LRCH1: variants seen among roughly 807,000 people sequenced by gnomAD.
The protein encoded by LRCH1 is leucine rich repeats and calponin homology domain containing 1.
LRCH1 carries 23 observed loss-of-function variants against 94.9 expected under a neutral mutation model. The ratio of observed to expected loss-of-function variants is 0.24; its 90% confidence interval spans 0.17 to 0.34. The LOEUF (loss-of-function observed/expected upper bound fraction) is 0.34. LRCH1 is among the 10% of genes least tolerant of loss of function. The probability of loss-of-function intolerance (pLI) is 1.00; values close to 1 mark genes in which losing one functional copy is unlikely to be tolerated. For synonymous variants in LRCH1, 364 were observed against 354.9 expected, an observed-to-expected ratio of 1.03 and a Z score of -0.29; for missense variants, 790 against 945.9, an observed-to-expected ratio of 0.84 and a Z score of 2.16.
intron 17 of LRCH1, among the ~76,000 whole-genome samples, chr13:46,724,270 A>T (rs941760877): frequency 6.6e-6 from 1 of 152,232 alleles, no homozygotes; most frequent in Non-Finnish European, 1.5e-5. Context: ...GTGCAATGGT[A>T]TGATCATAGC....
At chr13:46,606,362 C>T (rs1226765192) in intron 1 of LRCH1, among the ~76,000 whole-genome samples, 1 of 152,140 alleles carries the variant, frequency 6.6e-6, no homozygotes, top group Admixed American at 6.5e-5. Flanking sequence ...GTTACATTAA[C>T]ACTCCCACAT....
At chr13:46,581,640 T>A (rs2050366446) in intron 1 of LRCH1, among the ~76,000 whole-genome samples, 1 of 152,210 alleles carries the variant, frequency 6.6e-6, no homozygotes, top group African/African-American at 2.4e-5. Flanking sequence ...AATTTTTCTG[T>A]TGAGAAATGG....
At chr13:46,745,889 C>T (rs1424164270), downstream of LRCH1, among the ~76,000 whole-genome samples, 1 of 152,092 alleles carries the variant, frequency 6.6e-6, no homozygotes, top group Non-Finnish European at 1.5e-5. Context: ...ATCCTGTTCC[C>T]AGCAGGTGTT....
At chr13:46,561,891 T>A (rs1274545703) in intron 1 of LRCH1, among the ~76,000 whole-genome samples, 2 of 152,220 alleles carry the variant, frequency 1.3e-5, no homozygotes, top group African/African-American at 2.4e-5. Context: ...GAATCATACA[T>A]GACCTTAAGC....
intron 3 of LRCH1, among the ~76,000 whole-genome samples, chr13:46,675,045 T>C (rs974070037): frequency 1.3e-5 from 2 of 152,236 alleles, no homozygotes; most frequent in Admixed American, 6.5e-5. Context: ...TAATGTTTTG[T>C]TACTGTGGAA....
At chr13:46,668,432 TA>T (rs1303703643) in intron 2 of LRCH1, among the ~76,000 whole-genome samples, 3 of 152,320 alleles carry the variant, frequency 2.0e-5, no homozygotes, top group East Asian at 3.9e-4. Flanking sequence ...CTCTTGCAGA[TA>T]CCAAAACAGA....
intron 1 of LRCH1, among the ~76,000 whole-genome samples, chr13:46,619,353 C>T (rs1431240453): frequency 2.0e-5 from 3 of 152,132 alleles, no homozygotes; most frequent in African/African-American, 4.8e-5. Flanking sequence ...TCAAGTGATC[C>T]GCCTGCTTGG....
At chr13:46,749,584 G>A (rs1376424897), downstream of LRCH1, among the ~76,000 whole-genome samples, 1 of 150,700 alleles carries the variant, frequency 6.6e-6, no homozygotes, top group Non-Finnish European at 1.5e-5. Context: ...AAAATATCAT[G>A]CTGGACACCA....
chr13:46,749,945 G>A (rs1252705703), intron 18 of LRCH1, among the ~76,000 whole-genome samples: 3 of 152,186 alleles, frequency 2.0e-5, no homozygotes, highest in Non-Finnish European at 4.4e-5. Flanking sequence ...GGACATATGT[G>A]TCTTTGACAG....
chr13:46,577,720 G>A (rs998653968), intron 1 of LRCH1, among the ~76,000 whole-genome samples: 8 of 152,210 alleles, frequency 5.3e-5, no homozygotes, highest in Admixed American at 3.3e-4. Context: ...TCACTAGTGA[G>A]CTGCTTCTTG....
chr13:46,717,523 G>A (rs1472847137), intron 16 of LRCH1: 1 of 152,072 alleles, frequency 6.6e-6, no homozygotes, highest in Non-Finnish European at 1.5e-5. Context: ...TTTCTGTACC[G>A]AAATAGTCTT....
At chr13:46,631,854 C>T (rs561947263) in intron 1 of LRCH1, among the ~76,000 whole-genome samples, 4 of 152,182 alleles carry the variant, frequency 2.6e-5, no homozygotes, top group East Asian at 1.9e-4. Flanking sequence ...TCTGCGTCTC[C>T]GTTTCCTCTT....
chr13:46,741,583 C>T (rs1030740928), intron 19 of LRCH1, 59 bp from the exon 20 acceptor site: 92 of 1,602,528 alleles, frequency 5.7e-5, no homozygotes, highest in Middle Eastern at 1.7e-4. Context: ...GCTGTTCCTC[C>T]GTGTATTTTT....
intron 3 of LRCH1, among the ~76,000 whole-genome samples, chr13:46,675,109 T>C (rs949188836): frequency 6.6e-6 from 1 of 152,254 alleles, no homozygotes; most frequent in African/African-American, 2.4e-5. Flanking sequence ...CTCATTTTAC[T>C]CATTAAAACC....
At chr13:46,574,440 A>C (rs916288895) in intron 1 of LRCH1, among the ~76,000 whole-genome samples, 3 of 152,204 alleles carry the variant, frequency 2.0e-5, no homozygotes, top group African/African-American at 7.2e-5. Context: ...AAGTCTAGAG[A>C]TCTATAATAA....
chr13:46,564,604 GC>G (rs962512715), intron 1 of LRCH1, among the ~76,000 whole-genome samples: 2 of 152,230 alleles, frequency 1.3e-5, no homozygotes, highest in Admixed American at 6.5e-5. Flanking sequence ...CCTCAGGAAG[GC>G]CACTGGGCCA....
At chr13:46,706,295 A>C (rs562171274) in intron 13 of LRCH1, among the ~76,000 whole-genome samples, 1 of 152,346 alleles carries the variant, frequency 6.6e-6, no homozygotes, top group South Asian at 2.1e-4. Flanking sequence ...CCTATTGTAA[A>C]GATCGAATTA....
chr13:46,700,405 T>G (rs1871401868), intron 10 of LRCH1, among the ~76,000 whole-genome samples: 1 of 152,204 alleles, frequency 6.6e-6, no homozygotes, highest in East Asian at 1.9e-4. Context: ...TATTACCAGC[T>G]ACTCACTGGA....
chr13:46,734,222 T>A (rs1221639667), intron 19 of LRCH1, among the ~76,000 whole-genome samples: 1 of 152,186 alleles, frequency 6.6e-6, no homozygotes, highest in Non-Finnish European at 1.5e-5. Flanking sequence ...GGAAATAATT[T>A]AAGATTTTGA....
Sources: gnomAD v4.1 joint callset for allele counts (sites outside exome capture counted in the v4.1 genomes callset) on GRCh38, gnomAD v4.1.1 for gene constraint, MANE v1.5 for transcripts, NCBI Gene and HGNC (gene_info 2026-07-23, HGNC 2026-07-21) for gene names.